Variants in ILRUN observed in about 807,000 individuals in gnomAD.
ILRUN encodes protein ILRUN.
ILRUN carries 3 observed loss-of-function variants against 33.8 expected under a neutral mutation model. The ratio of observed to expected loss-of-function variants is 0.09; its 90% CI spans 0.04 to 0.23. The LOEUF is 0.23. Among genes scored for constraint, ILRUN ranks in the 10% least tolerant of loss-of-function variants. The pLI is 1.00. For missense variants in ILRUN, 210 were observed against 375.1 expected, an observed-to-expected ratio of 0.56 and a Z score of 3.64; for synonymous variants, 124 against 138.9, an observed-to-expected ratio of 0.89 and a Z score of 0.75.
At chr6:34,688,401 T>TAAA (rs1763573046) in intron 1 of ILRUN, among the ~76,000 whole-genome samples, 1 of 97,318 alleles carries the variant, frequency 1.0e-5, no homozygotes, top group African/African-American at 4.8e-5. Flanking sequence ...AGACCCTGTC[T>TAAA]CAAAAAAAAA....
intron 3 of ILRUN, among the ~76,000 whole-genome samples, chr6:34,639,513 T>C: frequency 6.6e-6 from 1 of 152,192 alleles, no homozygotes. Flanking sequence ...CTCATGCTGC[T>C]TACCCTTTGC....
intron 2 of ILRUN, among the ~76,000 whole-genome samples, chr6:34,653,715 T>C (rs1281506395): frequency 6.6e-6 from 1 of 151,864 alleles, no homozygotes; most frequent in Non-Finnish European, 1.5e-5. Flanking sequence ...CCATGTGCAG[T>C]GTACATATGT....
chr6:34,619,022 T>C (rs778451957), intron 3 of ILRUN, among the ~76,000 whole-genome samples: 7 of 151,978 alleles, frequency 4.6e-5, no homozygotes, highest in African/African-American at 9.7e-5. Flanking sequence ...GGACAAACCA[T>C]TGGATGTAGC....
intron 4 of ILRUN, among the ~76,000 whole-genome samples, chr6:34,603,929 G>C (rs1029438889): frequency 6.6e-6 from 1 of 152,106 alleles, no homozygotes; most frequent in Non-Finnish European, 1.5e-5. Context: ...AGCTAGAGTG[G>C]AGCTGACTCA....
chr6:34,672,790 C>G (rs1328890551), intron 1 of ILRUN, among the ~76,000 whole-genome samples: 5 of 151,428 alleles, frequency 3.3e-5, no homozygotes, highest in African/African-American at 1.2e-4. Context: ...TAAAGGAGAA[C>G]AGAGAAAAGG....
intron 3 of ILRUN, among the ~76,000 whole-genome samples, chr6:34,626,890 A>G (rs538002912): frequency 5.5e-4 from 84 of 152,150 alleles, no homozygotes; most frequent in African/African-American, 2.0e-3. Context: ...TTGTAATCCC[A>G]GCTACTCGGG....
At chr6:34,596,514 C>T (rs747018352) in intron 4 of ILRUN, among the ~76,000 whole-genome samples, 13 of 152,042 alleles carry the variant, frequency 8.6e-5, no homozygotes, top group East Asian at 1.9e-4. Flanking sequence ...GATTTCACCA[C>T]GTTGGCCAGG....
intron 1 of ILRUN, among the ~76,000 whole-genome samples, chr6:34,691,989 G>C (rs1763659467): frequency 6.6e-6 from 1 of 151,964 alleles, no homozygotes; most frequent in Admixed American, 6.6e-5. Flanking sequence ...TTTGAGACAG[G>C]GTCTCACTCT....
intron 4 of ILRUN, among the ~76,000 whole-genome samples, chr6:34,597,756 C>CT (rs1267236260): frequency 6.6e-6 from 1 of 152,208 alleles, no homozygotes; most frequent in East Asian, 1.9e-4. Flanking sequence ...CTTTGCTTGG[C>CT]TTTTAAAGGT....
intron 3 of ILRUN, among the ~76,000 whole-genome samples, chr6:34,629,869 C>A (rs1340353377): frequency 6.6e-6 from 1 of 152,086 alleles, no homozygotes; most frequent in African/African-American, 2.4e-5. Flanking sequence ...AAATAAGTTC[C>A]GAGACTCCCA....
At chr6:34,652,924 G>C (rs1249578800) in intron 2 of ILRUN, among the ~76,000 whole-genome samples, 1 of 151,982 alleles carries the variant, frequency 6.6e-6, no homozygotes, top group Non-Finnish European at 1.5e-5. Context: ...AGAATGCCAA[G>C]GTGGGAGGAT....
chr6:34,693,697 C>T (rs1319250585), intron 1 of ILRUN, among the ~76,000 whole-genome samples: 6 of 137,932 alleles, frequency 4.3e-5, no homozygotes, highest in African/African-American at 1.6e-4. Context: ...GACGGAGTCT[C>T]GGTCTGTTGC....
At chr6:34,635,869 G>A (rs2492863) in intron 3 of ILRUN, among the ~76,000 whole-genome samples, 25,165 of 151,912 alleles carry the variant, frequency 0.17, 2,285 homozygotes, top group African/African-American at 0.23. Flanking sequence ...TGATCCACGC[G>A]CCTCAGCCTC....
At chr6:34,663,409 T>C (rs2127372389) in intron 1 of ILRUN, among the ~76,000 whole-genome samples, 1 of 152,278 alleles carries the variant, frequency 6.6e-6, no homozygotes, top group Non-Finnish European at 1.5e-5. Flanking sequence ...GGTGACAGAA[T>C]GAGACCCTGT....
At chr6:34,679,036 G>A (rs758503263) in intron 1 of ILRUN, among the ~76,000 whole-genome samples, 3 of 151,038 alleles carry the variant, frequency 2.0e-5, no homozygotes, top group Non-Finnish European at 4.4e-5. Context: ...TACTTGTCAG[G>A]TACTATGCTT....
intron 3 of ILRUN, among the ~76,000 whole-genome samples, chr6:34,637,851 G>GCTA (rs1388363777): frequency 7.9e-6 from 1 of 126,700 alleles, no homozygotes; most frequent in Non-Finnish European, 1.6e-5. Flanking sequence ...TGTTGCTGCT[G>GCTA]CTGCTGCTGC....
intron 3 of ILRUN, among the ~76,000 whole-genome samples, chr6:34,627,951 G>A (rs186054335): frequency 6.6e-6 from 1 of 151,074 alleles, no homozygotes; most frequent in African/African-American, 2.5e-5. Context: ...TGATCCACCC[G>A]CCTCAGTCCC....
intron 3 of ILRUN, among the ~76,000 whole-genome samples, chr6:34,624,021 AG>A (rs1453370826): frequency 6.6e-6 from 1 of 151,988 alleles, no homozygotes; most frequent in Admixed American, 6.6e-5. Context: ...TAGTAGAGAC[AG>A]GGTTTCACCA....
chr6:34,636,971 T>A (rs1354489362), intron 3 of ILRUN, among the ~76,000 whole-genome samples: 1 of 152,194 alleles, frequency 6.6e-6, no homozygotes, highest in Non-Finnish European at 1.5e-5. Flanking sequence ...ATATCTAATT[T>A]TTAAGTATCA....
Sources: allele counts gnomAD v4.1 joint callset (sites outside exome capture counted in the v4.1 genomes callset), GRCh38; gene constraint gnomAD v4.1.1; transcripts MANE v1.5; gene names NCBI Gene and HGNC (gene_info 2026-07-23, HGNC 2026-07-21).